The following FBXL13 variants were observed in gnomAD, a reference collection of about 807,000 sequenced individuals.
FBXL13 encodes the protein F-box and leucine rich repeat protein 13.
A neutral mutation model predicts 83.6 loss-of-function variants in FBXL13; 67 were observed. The ratio of observed to expected loss-of-function variants is 0.80; its 90% CI spans 0.66 to 0.98. The LOEUF (loss-of-function observed/expected upper bound fraction) is 0.98. Ranked by LOEUF, FBXL13 falls within the 50% of genes least tolerant of loss-of-function variation. FBXL13 has a pLI of 0.00. For missense variants in FBXL13, 822 were observed against 866.5 expected (o/e 0.95, Z 0.64); for synonymous variants, 272 against 299.5 (o/e 0.91, Z 0.95).
At chr7:102,814,395 T>TA (rs1797711788) in intron 19 of FBXL13, 1 of 152,176 alleles carries the variant, frequency 6.6e-6, no homozygotes, top group African/African-American at 2.4e-5. Flanking sequence ...GGCATTACCA[T>TA]ACACTTCGAG....
chr7:102,833,673 C>T (rs1488766771), intron 17 of FBXL13, among the ~76,000 whole-genome samples: 1 of 151,408 alleles, frequency 6.6e-6, no homozygotes, highest in East Asian at 1.9e-4. Flanking sequence ...CTCAAGTGAT[C>T]CACCCTCCCA....
At chr7:103,011,580 G>C (rs537507193) in intron 6 of FBXL13, among the ~76,000 whole-genome samples, 1 of 150,552 alleles carries the variant, frequency 6.6e-6, no homozygotes, top group South Asian at 2.1e-4. Context: ...AGAGGTTGCA[G>C]TAAGGGAAGA....
chr7:102,915,033 A>C (rs1177313827), intron 10 of FBXL13, among the ~76,000 whole-genome samples: 1 of 152,172 alleles, frequency 6.6e-6, no homozygotes, highest in East Asian at 1.9e-4. Context: ...ATCCGGCCAA[A>C]TGAGATGTAA....
intron 8 of FBXL13, chr7:102,944,133 T>C: frequency 1.8e-6 from 2 of 1,131,900 alleles, no homozygotes; most frequent in African/African-American, 1.6e-5. Flanking sequence ...TTTTTAAAAT[T>C]TGTATTTGTC....
chr7:103,068,063 TA>T, intron 1 of FBXL13, among the ~76,000 whole-genome samples: 1 of 152,142 alleles, frequency 6.6e-6, no homozygotes, highest in South Asian at 2.1e-4. Flanking sequence ...CAATTTAGGA[TA>T]AAATGGTTAA....
chr7:102,868,582 T>C (rs1028837189), intron 16 of FBXL13, among the ~76,000 whole-genome samples: 4 of 152,208 alleles, frequency 2.6e-5, no homozygotes, highest in Non-Finnish European at 4.4e-5. Context: ...CTTAGGTTGA[T>C]TGTATATATT....
Position 102,916,445 on chromosome 7 carries a change from G to A in FBXL13, c.879-3230C>T, listed in dbSNP as rs76525326. On this transcript the variant is annotated intron_variant, in intron 10 of 19. Coordinates refer to ENST00000313221, the Ensembl canonical transcript of FBXL13. ...GTGACTCCTGGATTGAAAATCTCTG[G>A]ATAGCTCTTTTCACAGTGGAACCTC... 9.6e-3 allele frequency among the ~76,000 whole-genome samples: 1,458 copies of A among 152,256 alleles called. 84 individuals carry two copies. The East Asian group carries it at 0.16, about 17-fold the overall frequency.
chr7:102,978,280 G>C (rs1827764655), intron 6 of FBXL13: 1 of 152,144 alleles, frequency 6.6e-6, no homozygotes, highest in Non-Finnish European at 1.5e-5. Context: ...TATTGAGAAA[G>C]TCACCCTTTT....
intron 2 of FBXL13, among the ~76,000 whole-genome samples, chr7:103,046,296 A>C (rs1318101740): frequency 6.6e-6 from 1 of 152,194 alleles, no homozygotes; most frequent in African/African-American, 2.4e-5. Context: ...TTCACAAGAG[A>C]ATTTAAAGTC....
At chr7:103,025,188 A>C in exon 6 of FBXL13, 1 of 1,592,816 alleles carries the variant, frequency 6.3e-7, no homozygotes, top group Non-Finnish European at 8.6e-7. Context: ...TTGAGTATTA[A>C]CCTATTTTTC....
In FBXL13 at chr7:102,997,217, TC is replaced by T. The variant is rs1162383009; in HGVS notation, c.495+27845del. On this transcript the variant is annotated intron_variant, in intron 6 of 19. Transcript: ENST00000313221. ...CAAAATGAATGACCGCGGAAAACAT[TC>T]ATGCTTTTATTATAGATCTGCACCA... 3.3e-5 allele frequency among the ~76,000 whole-genome samples: 5 copies of T among 152,274 alleles called. 1 individual carries two copies. The highest frequency in any genetic ancestry group is 1.2e-4 in the African/African-American group (5 of 41,548).
intron 8 of FBXL13, among the ~76,000 whole-genome samples, chr7:102,952,176 G>A (rs985538461): frequency 8.5e-5 from 13 of 152,146 alleles, no homozygotes; most frequent in African/African-American, 2.9e-4. Flanking sequence ...TAGAATGGTG[G>A]TTGCCAGGAC....
At chr7:102,965,748 C>T (rs1044032953) in intron 7 of FBXL13, among the ~76,000 whole-genome samples, 5 of 152,190 alleles carry the variant, frequency 3.3e-5, no homozygotes, top group Non-Finnish European at 7.4e-5. Flanking sequence ...AATAAGCATA[C>T]GTCCCCCAAC....
chr7:102,899,465 T>G (rs927512921), intron 11 of FBXL13, among the ~76,000 whole-genome samples: 1 of 152,210 alleles, frequency 6.6e-6, no homozygotes, highest in African/African-American at 2.4e-5. Context: ...ACAAATTTCT[T>G]CTGTGCTGCT....
At chr7:102,812,895 T>C (rs1166642938), downstream of FBXL13, among the ~76,000 whole-genome samples, 1 of 149,834 alleles carries the variant, frequency 6.7e-6, no homozygotes, top group East Asian at 2.0e-4. Context: ...GAGGCTGGAA[T>C]GCAGTGACGT....
chr7:102,866,182 C>T (rs1449685502), intron 16 of FBXL13, among the ~76,000 whole-genome samples: 1 of 152,168 alleles, frequency 6.6e-6, no homozygotes, highest in Non-Finnish European at 1.5e-5. Flanking sequence ...GACCAACTTG[C>T]CTTGAGACTG....
Position 103,028,831 on chromosome 7 carries a change from A to G in FBXL13, c.69-83T>C, listed in dbSNP as rs574235403. ...TTAAATAAATTAAGGAGAACAAAGA[A>G]TGATATCTCCTTTATGACCTCAAAA... On this transcript the variant is annotated intron_variant, in intron 3 of 19. Coordinates refer to ENST00000313221, the Ensembl canonical transcript of FBXL13. 3.4e-6 allele frequency: 4 copies of G among 1,178,974 alleles called. No individual in the cohort carries two copies. In the African/African-American group the frequency reaches 4.8e-5, roughly 14 times the overall value. The allele number at this position is 1,178,974 out of a possible 1,614,324, so 73.0% of individuals were successfully genotyped here.
chr7:102,852,663 G>A (rs879564404), intron 17 of FBXL13, among the ~76,000 whole-genome samples: 2 of 152,106 alleles, frequency 1.3e-5, no homozygotes, highest in African/African-American at 2.4e-5. Context: ...TGCAAGACTG[G>A]CCATAATCAA....
At chr7:102,867,677 ATATATATATATATATATATTTTTTTTTTT>A (rs1807874864) in intron 16 of FBXL13, among the ~76,000 whole-genome samples, 1 of 68,518 alleles carries the variant, frequency 1.5e-5, no homozygotes, top group African/African-American at 1.1e-4. Context: ...ACATATATAT[ATATATATATATATATATATTTTTTTTTTT>A]TTTTTTTTTT....
Sources: allele counts gnomAD v4.1 joint callset (sites outside exome capture counted in the v4.1 genomes callset), GRCh38; gene constraint gnomAD v4.1.1; transcripts MANE v1.5; gene names NCBI Gene and HGNC (gene_info 2026-07-23, HGNC 2026-07-21).